PIEZO2: variants seen among roughly 807,000 people sequenced by gnomAD.
PIEZO2 encodes piezo type mechanosensitive ion channel component 2.
PIEZO2 carries 172 observed loss-of-function variants against 337.3 expected under a neutral mutation model. The observed-to-expected ratio is 0.51, with a 90% CI of 0.45 to 0.58. The LOEUF is 0.58. Ranked by LOEUF, PIEZO2 falls within the 20% of genes least tolerant of loss-of-function variation. The pLI is 0.00. For synonymous variants in PIEZO2, 1,251 were observed against 1,228.5 expected, an observed-to-expected ratio of 1.02 and a Z score of -0.38; for missense variants, 3,028 against 3,391.3, an observed-to-expected ratio of 0.89 and a Z score of 2.66.
At position 11,128,214 on chromosome 18, in the gene PIEZO2, T is replaced by C. The variant is rs1206658179; in HGVS notation, c.64+20311A>G. On this transcript the variant is annotated intron_variant, in intron 1 of 55. Coordinates refer to ENST00000674853, the MANE Select transcript of PIEZO2 (RefSeq NM_001378183.1). The surrounding 1 kb of genome is among the most constrained non-coding windows in gnomAD (Gnocchi z 4.1). ...AAAGTGATGAAAGAAAATGATGAAC[T>C]CAGGGATTCTGTCTCCAGGCTTCAG... Among the ~76,000 whole-genome samples, 4 of 152,108 alleles carry C rather than the reference T, an allele frequency of 2.6e-5. No individual in the cohort carries two copies. Among genetic ancestry groups the C allele is most frequent in the African/African-American group, 9.7e-5 (4 of 41,410 alleles).
At position 10,726,688 on chromosome 18, in the gene PIEZO2, A is replaced by G. The variant is rs541721730; in HGVS notation, c.5029+4719T>C. 7.0e-7 allele frequency: 1 copy of G among 1,429,810 alleles called. No individual in the cohort carries two copies. Among genetic ancestry groups the G allele is most frequent in the East Asian group, 2.3e-5 (1 of 43,410 alleles). The allele number at this position is 1,429,810 out of a possible 1,614,324, so 88.6% of individuals were successfully genotyped here. A position where few individuals can be genotyped will look rare whatever the true frequency, so the allele number is the denominator to read the frequency against. On this transcript the variant is annotated intron_variant, in intron 36 of 55. Coordinates refer to ENST00000674853, the MANE Select transcript of PIEZO2 (RefSeq NM_001378183.1). This position sits in a 1 kb window ranked among gnomAD's most constrained non-coding sequence, Gnocchi z 5.9. ...CACCTCGCTGCCAAGTTAATTCAGC[A>G]AGGACCAGGTGTACCTGAACGGCAT...
chr18:11,023,816 G>A (rs993575399), intron 2 of PIEZO2, among the ~76,000 whole-genome samples: 30 of 152,232 alleles, frequency 2.0e-4, no homozygotes, highest in Admixed American at 6.5e-4. Context: ...AAGGCCCGGC[G>A]AGAATTCGAG....
At chr18:10,987,620 C>T (rs796704165) in intron 2 of PIEZO2, among the ~76,000 whole-genome samples, 1 of 151,912 alleles carries the variant, frequency 6.6e-6, no homozygotes, top group Non-Finnish European at 1.5e-5. Context: ...GGAAAAGATT[C>T]CTTGACATTG....
intron 4 of PIEZO2, among the ~76,000 whole-genome samples, chr18:10,879,065 T>C (rs1340335457): frequency 6.6e-6 from 1 of 152,158 alleles, no homozygotes; most frequent in African/African-American, 2.4e-5. Flanking sequence ...GTCAAGAGAG[T>C]AAATTAGATT....
At chr18:11,091,710 G>A (rs142363750) in intron 1 of PIEZO2, among the ~76,000 whole-genome samples, 394 of 152,270 alleles carry the variant, frequency 2.6e-3, no homozygotes, top group African/African-American at 9.1e-3. Context: ...CATCTTGAGC[G>A]CTAGAAAGGG....
intron 37 of PIEZO2, 51 bp downstream of exon 37, chr18:10,718,149 A>T: frequency 7.0e-7 from 1 of 1,421,524 alleles, no homozygotes; most frequent in Non-Finnish European, 9.6e-7. Context: ...CGATCTGGGC[A>T]GGTATCATTT....
intron 2 of PIEZO2, among the ~76,000 whole-genome samples, chr18:11,039,444 T>G (rs1030348926): frequency 1.3e-5 from 2 of 152,202 alleles, no homozygotes; most frequent in African/African-American, 4.8e-5. Flanking sequence ...AATGTTTTTA[T>G]TATGCTCCAT....
chr18:10,871,301 C>G lies in PIEZO2; in HGVS notation c.444G>C (p.Val148=). The change falls in exon 5 of 56, where the codon GTG becomes GTC. Residue 148 remains valine (V), a synonymous_variant. Transcript: ENST00000674853. ...GGTTACTCTGTGCTGCTTCGTCTGT[C>G]ACAGGTTTCTGAACAATGTTTCTAC... The part of the protein sequence containing the change: ...LLCRNIVQKP[V]TDEAAQSNPE... The G allele has an allele frequency of 6.5e-7, 1 of 1,537,228 alleles. No individual in the cohort carries two copies. Among genetic ancestry groups the G allele is most frequent in the Non-Finnish European group, 8.7e-7 (1 of 1,146,874 alleles).
intron 33 of PIEZO2, chr18:10,738,583 T>G (rs1170270954): frequency 6.6e-6 from 1 of 152,172 alleles, no homozygotes; most frequent in Non-Finnish European, 1.5e-5. Flanking sequence ...GTTAAATTAG[T>G]GAGTAGAAAA....
rs187185456 is a variant in PIEZO2, at chr18:10,846,361, A to C, written c.917+8992T>G. On this transcript the variant is annotated intron_variant, in intron 7 of 55. Transcript: ENST00000674853. This position sits in a 1 kb window ranked among gnomAD's most constrained non-coding sequence, Gnocchi z 4.1. ...CAACACAGGAAAGACCTGCCCCCAT[A>C]ATTCAATCACCTCCCACCGGGGATG... is the stretch of plus-strand genomic sequence containing the variant. Among the ~76,000 whole-genome samples, 1,028 of 152,234 alleles carry C rather than the reference A, an allele frequency of 6.8e-3. 12 individuals are homozygous for C. Among genetic ancestry groups the C allele is most frequent in the African/African-American group, 0.024 (980 of 41,570 alleles).
chr18:10,702,268 C>A, intron 42 of PIEZO2, 97 bp from the exon 43 acceptor site: 1 of 1,178,288 alleles, frequency 8.5e-7, no homozygotes, highest in Non-Finnish European at 1.2e-6. Flanking sequence ...AGAAAGAGAC[C>A]CGCATTTCAC....
At chr18:10,809,718 C>T (rs1040580741) in intron 7 of PIEZO2, among the ~76,000 whole-genome samples, 4 of 152,132 alleles carry the variant, frequency 2.6e-5, no homozygotes, top group African/African-American at 9.7e-5. Flanking sequence ...TTAATTTACT[C>T]AATGTTTGTT....
Position 10,759,961 on chromosome 18 carries a change from G to A in PIEZO2, c.3451-52C>T, listed in dbSNP as rs566216238. ...AAAAAAAATCAGGCATATGGGAAAG[G>A]GGACTGGTGATAGGTGTCAGGTCTG... On this transcript the variant is annotated intron_variant, in intron 24 of 55. Coordinates refer to ENST00000674853, the MANE Select transcript of PIEZO2 (RefSeq NM_001378183.1). The surrounding 1 kb of genome is among the most constrained non-coding windows in gnomAD (Gnocchi z 5.5). 2 of 1,489,586 alleles carry A rather than the reference G, an allele frequency of 1.3e-6. No homozygotes were observed. The highest frequency in any genetic ancestry group is 2.4e-5 in the South Asian group (2 of 82,796). The allele number at this position is 1,489,586 out of a possible 1,614,324, so 92.3% of individuals were successfully genotyped here.
chr18:11,020,002 G>C (rs916356045), intron 2 of PIEZO2, among the ~76,000 whole-genome samples: 3 of 152,124 alleles, frequency 2.0e-5, no homozygotes, highest in Non-Finnish European at 2.9e-5. Flanking sequence ...CTCTCTTGGG[G>C]ATGATTTTAT....
chr18:10,959,725 T>C (rs2033686108), intron 3 of PIEZO2, among the ~76,000 whole-genome samples: 1 of 152,182 alleles, frequency 6.6e-6, no homozygotes, highest in Non-Finnish European at 1.5e-5. Context: ...TTTTCAGACC[T>C]AGACAAAATT....
At chr18:10,858,009 T>TTTC (rs1568135804) in intron 5 of PIEZO2, among the ~76,000 whole-genome samples, 265 of 137,266 alleles carry the variant, frequency 1.9e-3, no homozygotes, top group African/African-American at 7.1e-3. Context: ...TTCTTTCTTT[T>TTTC]TTTTTTTTTT....
At chr18:10,938,079 G>A (rs1028164538) in intron 3 of PIEZO2, among the ~76,000 whole-genome samples, 3 of 152,152 alleles carry the variant, frequency 2.0e-5, no homozygotes, top group African/African-American at 7.2e-5. Flanking sequence ...GGCATGTAAA[G>A]ATCTCATTTT....
intron 2 of PIEZO2, among the ~76,000 whole-genome samples, chr18:11,052,116 T>C (rs2625380): frequency 0.68 from 103,333 of 152,020 alleles, 35,998 homozygotes; most frequent in East Asian, 0.99. Context: ...GAGGTTCTGC[T>C]TTTGCAATCA....
chr18:10,978,500 T>C (rs2034535224), intron 3 of PIEZO2, among the ~76,000 whole-genome samples: 1 of 152,240 alleles, frequency 6.6e-6, no homozygotes, highest in East Asian at 1.9e-4. Context: ...AAAGGAACTC[T>C]GAAATCAATA....
Sources: allele counts gnomAD v4.1 joint callset (sites outside exome capture counted in the v4.1 genomes callset), GRCh38; gene constraint gnomAD v4.1.1; non-coding constraint Gnocchi (gnomAD v3.1); transcripts MANE v1.5; gene names NCBI Gene and HGNC (gene_info 2026-07-23, HGNC 2026-07-21).